The following TMEM175 variants were observed in gnomAD, a reference collection of about 807,000 sequenced individuals.
The protein encoded by TMEM175 is transmembrane protein 175, also known as endosomal/lysosomal proton channel TMEM175.
A neutral mutation model predicts 36.5 loss-of-function variants in TMEM175; 36 were observed. That is an observed-to-expected ratio of 0.99 (90% CI 0.76 to 1.30). The LOEUF (loss-of-function observed/expected upper bound fraction) is 1.30. Among genes scored for constraint, TMEM175 ranks in the 50% most tolerant of loss-of-function variants. TMEM175 has a pLI of 0.00. For missense variants in TMEM175, 705 were observed against 692.8 expected, an observed-to-expected ratio of 1.02 and a Z score of -0.20; for synonymous variants, 339 against 313.4, an observed-to-expected ratio of 1.08 and a Z score of -0.86.
intron 6 of TMEM175, 175 bp downstream of exon 6, chr4:951,892 G>A (rs922646525): frequency 7.3e-6 from 5 of 687,184 alleles, no homozygotes; most frequent in East Asian, 5.4e-5. Flanking sequence ...CTTTCAGGCT[G>A]GCGGGGAGGG....
intron 1 of TMEM175, among the ~76,000 whole-genome samples, chr4:939,877 C>T (rs1255374870): frequency 6.6e-6 from 1 of 152,038 alleles, no homozygotes; most frequent in Non-Finnish European, 1.5e-5. Context: ...AAGCTTGATC[C>T]CATGAAGGAA....
In TMEM175 at chr4:953,257, A is replaced by G. The variant is rs771779436; in HGVS notation, c.530A>G (p.His177Arg). The G allele has an allele frequency of 1.9e-6, 3 of 1,613,978 alleles. No individual in the cohort carries two copies. The highest frequency in any genetic ancestry group is 1.3e-5 in the African/African-American group (1 of 75,044). ...AGCCCGCAGATCCAGCGCTCTGCCC[A>G]CAGGGCTCTGTACCGACGACACGTC... ...LLSPQIQRSA[H>R]RALYRRHVLG... Residue 177 changes from histidine to arginine, a missense_variant, in exon 8 of 11, where the codon CAC becomes CGC. Transcript: ENST00000264771.
At chr4:937,150 C>T (rs1726887966) in intron 1 of TMEM175, among the ~76,000 whole-genome samples, 1 of 151,886 alleles carries the variant, frequency 6.6e-6, no homozygotes, top group Admixed American at 6.6e-5. Flanking sequence ...AATATATACA[C>T]CTACTATATA....
chr4:933,055 T>G (rs1227710489), intron 1 of TMEM175, among the ~76,000 whole-genome samples: 1 of 152,216 alleles, frequency 6.6e-6, no homozygotes, highest in African/African-American at 2.4e-5. Flanking sequence ...ATGAACCACT[T>G]GGAAGGGTTC....
intron 1 of TMEM175, among the ~76,000 whole-genome samples, chr4:937,886 T>C (rs1405481450): frequency 6.6e-6 from 1 of 152,132 alleles, no homozygotes; most frequent in Non-Finnish European, 1.5e-5. Flanking sequence ...TGGCTTAGCA[T>C]TTGAAAGTTT....
chr4:948,555 G>A (rs1431171810), intron 3 of TMEM175: 3 of 1,339,322 alleles, frequency 2.2e-6, no homozygotes, highest in South Asian at 2.5e-5. Flanking sequence ...CTGAGTAAAC[G>A]CGGCCAGCGC....
chr4:951,094 A>T, intron 4 of TMEM175, 113 bp from the exon 5 acceptor site: 1 of 1,071,646 alleles, frequency 9.3e-7, no homozygotes, highest in Non-Finnish European at 1.4e-6. Flanking sequence ...ATATTTGGTT[A>T]ACAGTGACAT....
At chr4:948,736 C>T (rs1728501880) in intron 3 of TMEM175, 4 of 1,097,146 alleles carry the variant, frequency 3.6e-6, no homozygotes, top group Non-Finnish European at 4.7e-6. Context: ...CTGCCTGGCT[C>T]TGTGTCCTCA....
intron 9 of TMEM175, 46 bp downstream of exon 9, chr4:955,529 C>T: frequency 1.3e-6 from 2 of 1,573,840 alleles, no homozygotes; most frequent in Non-Finnish European, 1.7e-6. Context: ...TGTAGTCCGC[C>T]CACCTCCGTG....
At chr4:951,574 C>T (rs922615628) in intron 5 of TMEM175, 108 bp from the exon 6 acceptor site, 2 of 1,449,426 alleles carry the variant, frequency 1.4e-6, no homozygotes, top group African/African-American at 2.8e-5. Context: ...GCTGGCCCAC[C>T]CTTCTTGGGG....
Position 956,443 on chromosome 4 carries a change from GTTTTTT to G in TMEM175, c.842+567_842+572del. On this transcript the variant is annotated intron_variant, in intron 10 of 10. Transcript: ENST00000264771. ...TCGTCACGTTTTTGGTTTTTGTGGG[GTTTTTT>G]TTTTTTTTTTTTTGAGACAGTCCTG... 8.3e-6 allele frequency: 10 copies of G among 1,211,024 alleles called. No homozygotes were observed. In the South Asian group the frequency reaches 1.1e-4, roughly 13 times the overall value. 75.0% of individuals were successfully genotyped at this position (1,211,024 alleles called of 1,614,324 possible). A position where few individuals can be genotyped will look rare whatever the true frequency, so the allele number is the denominator to read the frequency against.
At chr4:955,162 G>A (rs1021239978) in intron 8 of TMEM175, among the ~76,000 whole-genome samples, 31 of 152,144 alleles carry the variant, frequency 2.0e-4, no homozygotes, top group Non-Finnish European at 3.7e-4. Context: ...GGCTGGTCTC[G>A]AACTCTTGGG....
intron 1 of TMEM175, among the ~76,000 whole-genome samples, chr4:934,794 T>C (rs1726610651): frequency 6.6e-6 from 1 of 152,236 alleles, no homozygotes; most frequent in Non-Finnish European, 1.5e-5. Flanking sequence ...AGATATCTTC[T>C]ATCTCTTAGA....
At chr4:941,007 A>AAAT (rs71166902) in intron 1 of TMEM175, among the ~76,000 whole-genome samples, 24,520 of 131,586 alleles carry the variant, frequency 0.19, 2,421 homozygotes, top group East Asian at 0.33. Context: ...CTCCGTCTCA[A>AAAT]AATAATAATA....
chr4:948,137 G>T lies in TMEM175; in HGVS notation c.175G>T (p.Glu59Ter). 6.2e-7 allele frequency: 1 copy of T among 1,614,142 alleles called. No individual in the cohort carries two copies. Among genetic ancestry groups the T allele is most frequent in the Admixed American group, 1.7e-5 (1 of 60,018 alleles). Residue 59 changes from glutamate to a stop codon, truncating the protein, a stop_gained, in exon 3 of 11, where the codon GAG becomes TAG. Transcript: ENST00000264771. LOFTEE classifies it high-confidence loss of function. ...TCAGATCCTGCCTGTGACCCACACG[G>T]AGATCTCCCCAGAACAGGTAACGGG... ...TVMILPVTHT[E>*]ISPEQQFDRS...
intron 7 of TMEM175, among the ~76,000 whole-genome samples, chr4:952,745 G>A (rs993537005): frequency 3.3e-5 from 5 of 150,016 alleles, no homozygotes; most frequent in Non-Finnish European, 5.9e-5. Context: ...CTTGGGGCCC[G>A]GGGCCCTGTG....
Position 947,783 on chromosome 4 carries a change from G to T in TMEM175, c.44G>T (p.Gly15Val), listed in dbSNP as rs769113641. The T allele has an allele frequency of 6.2e-7, 1 of 1,612,872 alleles. No homozygotes were observed. Among genetic ancestry groups the T allele is most frequent in the Non-Finnish European group, 8.5e-7 (1 of 1,179,916 alleles). The change falls in exon 2 of 11, where the codon GGG becomes GTG. Residue 15 changes from glycine (G) to valine (V), a missense_variant. Coordinates refer to ENST00000264771, the MANE Select transcript of TMEM175 (RefSeq NM_032326.4). The part of the protein sequence containing the change: ...RTPEQALDTP[G>V]DCPPGRRDED... ...CCAGAGCAGGCACTGGATACACCGGGGGACTGCCCCCCAGGCAGGAGAGAC... is the reference window on the plus strand; with the variant it reads ...CCAGAGCAGGCACTGGATACACCGGTGGACTGCCCCCCAGGCAGGAGAGAC...
Position 955,467 on chromosome 4 carries a change from CAG to C in TMEM175, c.694_695del (p.Asp232GlnfsTer19). 4 of 1,613,996 alleles carry C rather than the reference CAG, an allele frequency of 2.5e-6. No individual in the cohort carries two copies. The South Asian group carries it at 3.3e-5, about 13-fold the overall frequency. On this transcript the variant is annotated frameshift_variant, in exon 9 of 11. Transcript: ENST00000264771. LOFTEE classifies it high-confidence loss of function. Reference protein sequence around the residue: ...PYVSKVTGWCRDRLLGHREPS... With the variant: ...PYVSKVTGWCXDRLLGHREPS... ...ATGTCAGCAAGGTCACCGGCTGGTG[CAG>C]AGACAGGCTCCTGGGTAGGTGATGA...
rs534930011 is a variant in TMEM175, at chr4:953,100, CG to C, written c.463-89del. On this transcript the variant is annotated intron_variant, in intron 7 of 10. Coordinates refer to ENST00000264771, the MANE Select transcript of TMEM175 (RefSeq NM_032326.4). Reference sequence around the variant, plus strand: ...GGTCCTCCCCACCTCGAGACCCTTGCGTGCGTGTGCCATGCAGCCCGGGGGT... The same window carrying C: ...GGTCCTCCCCACCTCGAGACCCTTGCTGCGTGTGCCATGCAGCCCGGGGGT... 874 of 1,370,808 alleles carry C rather than the reference CG, an allele frequency of 6.4e-4. 5 individuals are homozygous for C. In the African/African-American group the frequency reaches 0.011, roughly 18 times the overall value. The allele number at this position is 1,370,808 out of a possible 1,614,324, so 84.9% of individuals were successfully genotyped here. A position where few individuals can be genotyped will look rare whatever the true frequency, so the allele number is the denominator to read the frequency against.
Sources: gnomAD v4.1 joint callset for allele counts (sites outside exome capture counted in the v4.1 genomes callset) on GRCh38, gnomAD v4.1.1 for gene constraint, MANE v1.5 for transcripts, NCBI Gene and HGNC (gene_info 2026-07-23, HGNC 2026-07-21) for gene names.